Variants in PRR16 observed in about 807,000 individuals in gnomAD.
The protein encoded by PRR16 is proline rich 16, also known as protein Largen.
Under a neutral mutation model 18.2 loss-of-function variants are expected in PRR16, and 6 were observed. That is an observed-to-expected ratio of 0.33 (90% CI 0.18 to 0.65). The LOEUF (loss-of-function observed/expected upper bound fraction) is 0.65, where lower values mean the gene tolerates loss of function less well. Among genes scored for constraint, PRR16 ranks in the 30% least tolerant of loss-of-function variants. The pLI is 0.74. For missense variants in PRR16, 412 were observed against 376.6 expected, an observed-to-expected ratio of 1.09 and a Z score of -0.78; for synonymous variants, 151 against 147.8, an observed-to-expected ratio of 1.02 and a Z score of -0.16.
the PRR16 span, among the ~76,000 whole-genome samples, chr5:120,735,525 G>A: frequency 1.3e-5 from 2 of 152,100 alleles, no homozygotes; most frequent in African/African-American, 4.8e-5. Flanking sequence ...GTAGGTATAA[G>A]TGAGAGCTTA....
At chr5:120,765,402 T>C in the PRR16 span, among the ~76,000 whole-genome samples, 8 of 152,072 alleles carry the variant, frequency 5.3e-5, no homozygotes, top group Admixed American at 2.6e-4. Context: ...GGTGAAAAGC[T>C]GTTTAGAATA....
intron 1 of PRR16, among the ~76,000 whole-genome samples, chr5:120,558,019 C>T (rs986504249): frequency 1.3e-5 from 2 of 151,658 alleles, no homozygotes; most frequent in African/African-American, 4.8e-5. Context: ...TTTGTGGGTA[C>T]ATAGTAGGTG....
At chr5:120,488,061 T>C (rs1268968443) in intron 1 of PRR16, among the ~76,000 whole-genome samples, 5 of 152,234 alleles carry the variant, frequency 3.3e-5, no homozygotes, top group Admixed American at 1.3e-4. Context: ...AGTATTTTAT[T>C]GAGGATTTTT....
the PRR16 span, among the ~76,000 whole-genome samples, chr5:120,712,293 C>T: frequency 6.6e-6 from 1 of 152,052 alleles, no homozygotes; most frequent in African/African-American, 2.4e-5. Flanking sequence ...TAATACAATA[C>T]TATTAACTAT....
At chr5:120,544,078 C>A (rs535325284) in intron 1 of PRR16, among the ~76,000 whole-genome samples, 1 of 152,206 alleles carries the variant, frequency 6.6e-6, no homozygotes, top group East Asian at 1.9e-4. Context: ...ATCATGGGAG[C>A]AGAGGTCTAA....
the PRR16 span, among the ~76,000 whole-genome samples, chr5:120,735,252 C>A: frequency 6.6e-6 from 1 of 152,112 alleles, no homozygotes; most frequent in African/African-American, 2.4e-5. Flanking sequence ...TTTGCTTATC[C>A]ATTGATCTGT....
At chr5:120,570,934 A>G (rs1752886354) in intron 1 of PRR16, among the ~76,000 whole-genome samples, 1 of 152,190 alleles carries the variant, frequency 6.6e-6, no homozygotes, top group African/African-American at 2.4e-5. Flanking sequence ...ACAAGTGAAT[A>G]GGTATTATAG....
chr5:120,630,850 G>A (rs1755028320), intron 1 of PRR16, among the ~76,000 whole-genome samples: 1 of 152,072 alleles, frequency 6.6e-6, no homozygotes, highest in Non-Finnish European at 1.5e-5. Context: ...CTTGCCCTTG[G>A]AAAGTCCCTT....
chr5:120,628,007 T>G (rs932187655), intron 1 of PRR16, among the ~76,000 whole-genome samples: 1 of 152,132 alleles, frequency 6.6e-6, no homozygotes, highest in African/African-American at 2.4e-5. Flanking sequence ...TTGTCCTTAC[T>G]CTGGTGAATG....
the PRR16 span, among the ~76,000 whole-genome samples, chr5:120,791,584 C>CATCTATCT: frequency 0.2 from 25,807 of 127,154 alleles, 2,443 homozygotes; most frequent in East Asian, 0.31. Flanking sequence ...GAACTTCTAT[C>CATCTATCT]ATCTATCTAT....
At chr5:120,716,713 A>G in the PRR16 span, among the ~76,000 whole-genome samples, 1 of 152,084 alleles carries the variant, frequency 6.6e-6, no homozygotes, top group African/African-American at 2.4e-5. Context: ...CATCTCTTCT[A>G]AAAATACAAA....
intron 1 of PRR16, among the ~76,000 whole-genome samples, chr5:120,534,849 T>C (rs1342599996): frequency 6.6e-6 from 1 of 152,182 alleles, no homozygotes; most frequent in Admixed American, 6.5e-5. Flanking sequence ...TAAGTACGTG[T>C]AAAATAAAAA....
chr5:120,756,365 G>T, the PRR16 span, among the ~76,000 whole-genome samples: 1 of 152,026 alleles, frequency 6.6e-6, no homozygotes, highest in Non-Finnish European at 1.5e-5. Flanking sequence ...CCTTCCTCCA[G>T]ACCTCCAAAC....
chr5:120,640,049 C>G (rs1188762237), intron 1 of PRR16, among the ~76,000 whole-genome samples: 1 of 152,022 alleles, frequency 6.6e-6, no homozygotes, highest in Non-Finnish European at 1.5e-5. Flanking sequence ...AAAAGAAAAC[C>G]AAATACCACA....
chr5:120,592,857 C>T (rs1031396476), intron 1 of PRR16, among the ~76,000 whole-genome samples: 3 of 152,114 alleles, frequency 2.0e-5, no homozygotes, highest in Admixed American at 6.6e-5. Context: ...AAATATATTA[C>T]TCTTTTTTTA....
At chr5:120,537,781 T>C (rs1349915688) in intron 1 of PRR16, among the ~76,000 whole-genome samples, 1 of 144,190 alleles carries the variant, frequency 6.9e-6, no homozygotes, top group East Asian at 2.0e-4. Context: ...TTTTTTTTTT[T>C]TTTTTTTTTT....
chr5:120,734,535 A>G, the PRR16 span, among the ~76,000 whole-genome samples: 1 of 109,076 alleles, frequency 9.2e-6, no homozygotes, highest in Non-Finnish European at 2.0e-5. Context: ...TAAGAATGCT[A>G]ACCCGGCTGG....
chr5:120,690,140 T>C (rs1446997318), downstream of PRR16, among the ~76,000 whole-genome samples: 1 of 152,192 alleles, frequency 6.6e-6, no homozygotes, highest in Admixed American at 6.5e-5. Context: ...AATAAAGGAA[T>C]ATGATACAGT....
intron 1 of PRR16, among the ~76,000 whole-genome samples, chr5:120,629,641 C>A (rs1023019676): frequency 2.6e-5 from 4 of 152,116 alleles, no homozygotes; most frequent in Non-Finnish European, 4.4e-5. Flanking sequence ...TTTCCAATTT[C>A]TTGGCTCGCT....
Sources: allele counts gnomAD v4.1 joint callset (sites outside exome capture counted in the v4.1 genomes callset), GRCh38; gene constraint gnomAD v4.1.1; transcripts MANE v1.5; gene names NCBI Gene and HGNC (gene_info 2026-07-23, HGNC 2026-07-21).